Variants in WNK1 observed in about 807,000 individuals in gnomAD.
WNK1 encodes WNK lysine deficient protein kinase 1.
WNK1 carries 38 observed loss-of-function variants against 222.8 expected under a neutral mutation model. That is an observed-to-expected ratio of 0.17 (90% CI 0.13 to 0.22). The LOEUF (loss-of-function observed/expected upper bound fraction) is 0.22, where lower values mean the gene tolerates loss of function less well. Among genes scored for constraint, WNK1 ranks in the 10% least tolerant of loss-of-function variants. The pLI is 1.00. For missense variants in WNK1, 2,348 were observed against 2,918.4 expected, an observed-to-expected ratio of 0.80 and a Z score of 4.50; for synonymous variants, 1,090 against 1,092.9, an observed-to-expected ratio of 1.00 and a Z score of 0.05.
intron 26 of WNK1, 42 bp downstream of exon 26, chr12:900,712 G>T (rs752388093): frequency 6.8e-6 from 11 of 1,612,304 alleles, no homozygotes; most frequent in Non-Finnish European, 8.5e-7. Flanking sequence ...ATAAAATGGA[G>T]ATGTTGCCAT....
chr12:839,952 T>G (rs189793088), intron 4 of WNK1, among the ~76,000 whole-genome samples: 2,575 of 148,860 alleles, frequency 0.017, 39 homozygotes, highest in Non-Finnish European at 0.028. Context: ...GCTCTCGAAC[T>G]CCTGACCTCA....
chr12:908,852 T>TGGGGGGGTGGGG lies in WNK1; in HGVS notation c.*65_*66insGGTGGGGGGGGG. On this transcript the variant is annotated 3_prime_UTR_variant, in exon 28 of 28. Coordinates refer to ENST00000315939, the MANE Select transcript of WNK1 (RefSeq NM_018979.4). Reference sequence around the variant, plus strand: ...GGAGATGGAATGCTGAGGGGGTGGGTGGGGGTGGGAAGTAGCCTATATACT... The same window carrying TGGGGGGGTGGGG: ...GGAGATGGAATGCTGAGGGGGTGGGTGGGGGGGTGGGGGGGGGTGGGAAGTAGCCTATATACT... 4.2e-6 allele frequency: 1 copy of TGGGGGGGTGGGG among 237,434 alleles called. No homozygotes were observed. Among genetic ancestry groups the TGGGGGGGTGGGG allele is most frequent in the Non-Finnish European group, 8.6e-6 (1 of 116,576 alleles). 14.7% of individuals were successfully genotyped at this position (237,434 alleles called of 1,614,324 possible). A position where few individuals can be genotyped will look rare whatever the true frequency, so the allele number is the denominator to read the frequency against.
At chr12:879,513 CTTT>C (rs10717495) in intron 10 of WNK1, 57 bp from the exon 11 acceptor site, 22,660 of 391,832 alleles carry the variant, frequency 0.058, 6 homozygotes, top group African/African-American at 0.072. Flanking sequence ...GGCAGCCTTG[CTTT>C]TTTTTTTTTT....
At chr12:808,763 T>C (rs201877885) in intron 1 of WNK1, among the ~76,000 whole-genome samples, 252 of 13,960 alleles carry the variant, frequency 0.018, 1 homozygote, top group African/African-American at 0.028. Context: ...ATCTCTCTCT[T>C]TTTTTTTTTT....
At position 827,452 on chromosome 12, in the gene WNK1, C is replaced by A; in HGVS notation, c.1153+190C>A. ...GTGCTTCTTGGAATCATCTTAGAGA[C>A]TATTGGTAACATTACGTTACAAGAA... On this transcript the variant is annotated intron_variant, in intron 3 of 27. Coordinates refer to ENST00000315939, the MANE Select transcript of WNK1 (RefSeq NM_018979.4). This position sits in a 1 kb window ranked among gnomAD's most constrained non-coding sequence, Gnocchi z 4.6. The A allele has an allele frequency of 1.6e-6, 1 of 607,534 alleles. No individual in the cohort carries two copies. Among genetic ancestry groups the A allele is most frequent in the Non-Finnish European group, 2.9e-6 (1 of 340,370 alleles). 37.6% of individuals were successfully genotyped at this position (607,534 alleles called of 1,614,324 possible).
intron 4 of WNK1, among the ~76,000 whole-genome samples, chr12:832,062 T>C (rs1490193911): frequency 6.6e-6 from 1 of 152,050 alleles, no homozygotes; most frequent in Admixed American, 6.6e-5. Context: ...GAAATGTTTA[T>C]TTTTAATTTT....
chr12:841,420 A>G (rs1949615610), intron 4 of WNK1, among the ~76,000 whole-genome samples: 1 of 152,236 alleles, frequency 6.6e-6, no homozygotes, highest in South Asian at 2.1e-4. Context: ...AGGTACATCC[A>G]TGTGGTAGCA....
intron 1 of WNK1, among the ~76,000 whole-genome samples, chr12:768,246 G>A (rs1223830068): frequency 2.0e-5 from 3 of 152,006 alleles, no homozygotes; most frequent in African/African-American, 7.3e-5. Context: ...GGCAATTATC[G>A]TTCCTCAACC....
At chr12:807,696 T>A (rs967240333) in intron 1 of WNK1, among the ~76,000 whole-genome samples, 4 of 149,000 alleles carry the variant, frequency 2.7e-5, no homozygotes, top group African/African-American at 9.9e-5. Context: ...TTCCTTCCAG[T>A]AGGGAGCAAT....
rs1591885110 is a variant in WNK1 at position 827,332 on chromosome 12, G to C, written c.1153+70G>C. The C allele has an allele frequency of 7.1e-7, 1 of 1,400,500 alleles. No homozygotes were observed. 86.8% of individuals were successfully genotyped at this position (1,400,500 alleles called of 1,614,324 possible). On this transcript the variant is annotated intron_variant, in intron 3 of 27. Transcript: ENST00000315939. The surrounding 1 kb of genome is among the most constrained non-coding windows in gnomAD (Gnocchi z 4.6). ...TCCTTTTATTTAGAATCCTGGCTCT[G>C]TCAGAGTTTTAAGTGATATAAACCT... is the stretch of plus-strand genomic sequence containing the variant.
intron 1 of WNK1, among the ~76,000 whole-genome samples, chr12:796,108 A>G (rs941489863): frequency 5.3e-5 from 8 of 152,186 alleles, no homozygotes; most frequent in African/African-American, 1.9e-4. Flanking sequence ...TCCTGAGCTC[A>G]GGTGATCTGC....
intron 1 of WNK1, among the ~76,000 whole-genome samples, chr12:768,366 C>G (rs1314499503): frequency 6.6e-6 from 1 of 152,090 alleles, no homozygotes; most frequent in Non-Finnish European, 1.5e-5. Flanking sequence ...GAACTCCTGA[C>G]TTCAAGTGAT....
Position 757,844 on chromosome 12 carries a change from T to G in WNK1, c.759+3520T>G, listed in dbSNP as rs771591709. ...CGCGGTCAGGAGTTCGAGAACAGCC[T>G]GGCCAACATGGCGAAACCCCATCTC... On this transcript the variant is annotated intron_variant, in intron 1 of 27. Coordinates refer to ENST00000315939, the MANE Select transcript of WNK1 (RefSeq NM_018979.4). 1.4e-4 allele frequency among the ~76,000 whole-genome samples: 20 copies of G among 146,592 alleles called. 3 individuals are homozygous for G. Among genetic ancestry groups the G allele is most frequent in the Non-Finnish European group, 2.6e-4 (17 of 65,694 alleles).
At chr12:869,168 T>C (rs1951933437) in intron 8 of WNK1, 1 of 1,574,336 alleles carries the variant, frequency 6.4e-7, no homozygotes, top group African/African-American at 1.3e-5. Flanking sequence ...ATTTAAATTT[T>C]CTATTCCTTA....
At chr12:864,352 C>T (rs539254942) in intron 8 of WNK1, among the ~76,000 whole-genome samples, 6 of 152,124 alleles carry the variant, frequency 3.9e-5, no homozygotes, top group African/African-American at 1.4e-4. Context: ...CTCAAGTGAT[C>T]CACCTGCCTC....
chr12:842,529 T>A (rs1331601715), intron 4 of WNK1, among the ~76,000 whole-genome samples: 1 of 152,210 alleles, frequency 6.6e-6, no homozygotes, highest in Non-Finnish European at 1.5e-5. Flanking sequence ...TTTTACCCTA[T>A]AATTACTACT....
At chr12:835,990 G>A (rs919631038) in intron 4 of WNK1, among the ~76,000 whole-genome samples, 4 of 152,060 alleles carry the variant, frequency 2.6e-5, no homozygotes, top group African/African-American at 9.7e-5. Flanking sequence ...AGAGTGATAA[G>A]GTTTGTGTCT....
chr12:807,769 G>T (rs373349212), intron 1 of WNK1, among the ~76,000 whole-genome samples: 1 of 142,502 alleles, frequency 7.0e-6, no homozygotes, highest in Non-Finnish European at 1.5e-5. Flanking sequence ...GCCCAGGCTG[G>T]AGTGCAGTGG....
rs1565375669 is a variant in WNK1, at chr12:753,781, T to TACCACC, written c.219_224dup (p.Thr74_Thr75dup). The TACCACC allele has an allele frequency of 1.2e-6, 2 of 1,612,414 alleles. No homozygotes were observed. Among genetic ancestry groups the TACCACC allele is most frequent in the Admixed American group, 3.3e-5 (2 of 60,020 alleles). On this transcript the variant is annotated inframe_insertion, in exon 1 of 28. Transcript: ENST00000315939. The surrounding 1 kb of genome is among the most constrained non-coding windows in gnomAD (Gnocchi z 5.2). ...ACAGCCGTGGGGCGGCCGCGACCACTACCACCACTGAGCACCGCTTCTTCC... is the reference window on the plus strand; with the variant it reads ...ACAGCCGTGGGGCGGCCGCGACCACTACCACCACCACCACTGAGCACCGCTTCTTCC...
Sources: allele counts gnomAD v4.1 joint callset (sites outside exome capture counted in the v4.1 genomes callset), GRCh38; gene constraint gnomAD v4.1.1; non-coding constraint Gnocchi (gnomAD v3.1); transcripts MANE v1.5; gene names NCBI Gene and HGNC (gene_info 2026-07-23, HGNC 2026-07-21).